RTN4RL1: variants seen among roughly 807,000 people sequenced by gnomAD.
RTN4RL1 encodes reticulon 4 receptor like 1, also known as reticulon-4 receptor-like 1.
A neutral mutation model predicts 25.6 loss-of-function variants in RTN4RL1; 7 were observed. The ratio of observed to expected loss-of-function variants is 0.27; its 90% CI spans 0.16 to 0.51. The LOEUF is 0.51. Ranked by LOEUF, RTN4RL1 falls within the 20% of genes least tolerant of loss-of-function variation. The probability of loss-of-function intolerance (pLI) is 0.97; values close to 1 mark genes in which losing one functional copy is unlikely to be tolerated. For synonymous variants in RTN4RL1, 297 were observed against 288.2 expected (o/e 1.03, Z -0.31); for missense variants, 500 against 615.6 (o/e 0.81, Z 1.99).
chr17:1,980,296 C>T (rs2066861697), intron 1 of RTN4RL1, among the ~76,000 whole-genome samples: 1 of 150,080 alleles, frequency 6.7e-6, no homozygotes, highest in African/African-American at 2.5e-5. Context: ...GTTTGGAACT[C>T]CTGGGCTCAA....
intron 1 of RTN4RL1, among the ~76,000 whole-genome samples, chr17:2,016,573 G>A (rs779302862): frequency 3.3e-5 from 5 of 152,196 alleles, no homozygotes; most frequent in Non-Finnish European, 5.9e-5. Flanking sequence ...TCCTGGAAAG[G>A]AAAGGGCCGT....
intron 1 of RTN4RL1, among the ~76,000 whole-genome samples, chr17:2,007,960 A>G (rs1340285209): frequency 6.7e-6 from 1 of 149,748 alleles, no homozygotes; most frequent in Non-Finnish European, 1.5e-5. Context: ...AAAACCCAAA[A>G]AAATAAACAA....
chr17:1,951,483 G>C (rs191037685), intron 1 of RTN4RL1, among the ~76,000 whole-genome samples: 9 of 151,108 alleles, frequency 6.0e-5, no homozygotes, highest in Non-Finnish European at 1.3e-4. Context: ...ACAGAGTCTC[G>C]CTCTGTCTCA....
At chr17:1,945,316 G>A (rs543721259) in intron 1 of RTN4RL1, among the ~76,000 whole-genome samples, 28 of 152,152 alleles carry the variant, frequency 1.8e-4, no homozygotes, top group African/African-American at 5.3e-4. Context: ...TCCACCTCCC[G>A]GGTTCAAGCG....
rs1455210755 is a variant in RTN4RL1, at chr17:1,994,230, G to A, written c.13+30623C>T. ...AGCTTGAGGGGGAAGTGATGGGCAA[G>A]AGCTGGGGAGGACAAAGCGGCTTTC... On this transcript the variant is annotated intron_variant, in intron 1 of 1. Coordinates refer to ENST00000331238, the MANE Select transcript of RTN4RL1 (RefSeq NM_178568.4). The surrounding 1 kb of genome is among the most constrained non-coding windows in gnomAD (Gnocchi z 4.3). Among the ~76,000 whole-genome samples the A allele has an allele frequency of 6.6e-6, 1 of 152,096 alleles. No individual in the cohort carries two copies. Among genetic ancestry groups the A allele is most frequent in the Non-Finnish European group, 1.5e-5 (1 of 68,022 alleles).
At chr17:1,978,531 G>A (rs1019351603) in intron 1 of RTN4RL1, among the ~76,000 whole-genome samples, 3 of 151,832 alleles carry the variant, frequency 2.0e-5, no homozygotes, top group African/African-American at 7.2e-5. Flanking sequence ...AAGAATAGTG[G>A]CCAACAGCTC....
At chr17:1,990,130 C>A (rs933681950) in intron 1 of RTN4RL1, among the ~76,000 whole-genome samples, 3 of 151,976 alleles carry the variant, frequency 2.0e-5, no homozygotes, top group African/African-American at 7.2e-5. Context: ...GAAGCTGAGG[C>A]TGGAGGATCA....
At chr17:1,949,288 G>A (rs1208377136) in intron 1 of RTN4RL1, among the ~76,000 whole-genome samples, 1 of 151,004 alleles carries the variant, frequency 6.6e-6, no homozygotes, top group Non-Finnish European at 1.5e-5. Flanking sequence ...GTAGAGACGG[G>A]GTTTCACCAT....
intron 1 of RTN4RL1, among the ~76,000 whole-genome samples, chr17:2,008,210 G>A (rs1213646493): frequency 1.3e-5 from 2 of 149,608 alleles, no homozygotes; most frequent in Admixed American, 6.7e-5. Context: ...CAGAGGTTGC[G>A]GTGAGCCGAG....
rs188765903 is a variant in RTN4RL1, at chr17:1,954,474, C to T, written c.14-16666G>A. Reference sequence around the variant, plus strand: ...CACGATCTCAGCTCACTGCAACCTCCGCCTCCTGGGTTCAAGTCATCTCCT... The same window carrying T: ...CACGATCTCAGCTCACTGCAACCTCTGCCTCCTGGGTTCAAGTCATCTCCT... On this transcript the variant is annotated intron_variant, in intron 1 of 1. Transcript: ENST00000331238. Among the ~76,000 whole-genome samples the T allele has an allele frequency of 2.2e-3, 339 of 151,094 alleles. 3 individuals are homozygous for T. Among genetic ancestry groups the T allele is most frequent in the African/African-American group, 7.9e-3 (324 of 41,146 alleles).
At chr17:1,969,136 G>A (rs1322712686) in intron 1 of RTN4RL1, among the ~76,000 whole-genome samples, 1 of 137,796 alleles carries the variant, frequency 7.3e-6, no homozygotes, top group African/African-American at 2.7e-5. Flanking sequence ...TCAGTTCACT[G>A]CAACCTCTGC....
chr17:1,940,550 A>T (rs958978084), intron 1 of RTN4RL1, among the ~76,000 whole-genome samples: 2 of 152,128 alleles, frequency 1.3e-5, no homozygotes, highest in Non-Finnish European at 2.9e-5. Flanking sequence ...AAGGAGACCC[A>T]GCCTGCAGGG....
chr17:1,951,855 G>A (rs1299573325), intron 1 of RTN4RL1, among the ~76,000 whole-genome samples: 1 of 152,216 alleles, frequency 6.6e-6, no homozygotes, highest in Non-Finnish European at 1.5e-5. Context: ...TGGCGACTTG[G>A]AGGCCACTGG....
intron 1 of RTN4RL1, among the ~76,000 whole-genome samples, chr17:1,975,063 AC>A (rs941832409): frequency 6.6e-6 from 1 of 152,080 alleles, no homozygotes; most frequent in African/African-American, 2.4e-5. Context: ...CACCTGCGGC[AC>A]CCCCACCCAT....
intron 1 of RTN4RL1, chr17:1,995,622 G>A (rs972296480): frequency 3.9e-5 from 6 of 152,248 alleles, no homozygotes; most frequent in African/African-American, 1.4e-4. Flanking sequence ...ACATGGTTCT[G>A]CCTGGCACTG....
At chr17:1,957,298 TCA>T (rs980589433) in intron 1 of RTN4RL1, among the ~76,000 whole-genome samples, 35 of 152,122 alleles carry the variant, frequency 2.3e-4, no homozygotes, top group Non-Finnish European at 4.3e-4. Flanking sequence ...TCTCAGAGAT[TCA>T]ACCCTTTCCT....
At chr17:1,938,551 G>A (rs1915364002) in intron 1 of RTN4RL1, among the ~76,000 whole-genome samples, 1 of 151,682 alleles carries the variant, frequency 6.6e-6, no homozygotes, top group African/African-American at 2.4e-5. Flanking sequence ...ATCTGCCTTG[G>A]CCTCCCAAAG....
chr17:1,992,775 C>T (rs1401091448), intron 1 of RTN4RL1, among the ~76,000 whole-genome samples: 6 of 152,212 alleles, frequency 3.9e-5, no homozygotes, highest in Non-Finnish European at 5.9e-5. Flanking sequence ...TTTGCCAGTA[C>T]CTAATAAACA....
intron 1 of RTN4RL1, among the ~76,000 whole-genome samples, chr17:1,964,788 C>CTTTTCTT (rs2066781969): frequency 8.0e-6 from 1 of 124,716 alleles, no homozygotes; most frequent in African/African-American, 3.0e-5. Context: ...CTTTTCTTTT[C>CTTTTCTT]TTTTTTTTTT....
Sources: allele counts gnomAD v4.1 joint callset (sites outside exome capture counted in the v4.1 genomes callset), GRCh38; gene constraint gnomAD v4.1.1; non-coding constraint Gnocchi (gnomAD v3.1); transcripts MANE v1.5; gene names NCBI Gene and HGNC (gene_info 2026-07-23, HGNC 2026-07-21).